TLK1: variants seen among roughly 807,000 people sequenced by gnomAD.
The protein encoded by TLK1 is serine/threonine-protein kinase tousled-like 1.
A neutral mutation model predicts 105.3 loss-of-function variants in TLK1; 24 were observed. The ratio of observed to expected loss-of-function variants is 0.23; its 90% CI spans 0.17 to 0.32. TLK1 has a LOEUF of 0.32. Among genes scored for constraint, TLK1 ranks in the 10% least tolerant of loss-of-function variants. The pLI is 1.00. For missense variants in TLK1, 558 were observed against 910.5 expected, an observed-to-expected ratio of 0.61 and a Z score of 4.98; for synonymous variants, 321 against 310.4, an observed-to-expected ratio of 1.03 and a Z score of -0.36.
At chr2:170,998,190 C>T (rs559884054) in intron 18 of TLK1, among the ~76,000 whole-genome samples, 1 of 151,922 alleles carries the variant, frequency 6.6e-6, no homozygotes, top group Non-Finnish European at 1.5e-5. Flanking sequence ...TAGAAGAAAC[C>T]CTCTCCCATC....
intron 11 of TLK1, among the ~76,000 whole-genome samples, chr2:171,036,576 T>C (rs1450837217): frequency 6.6e-6 from 1 of 152,250 alleles, no homozygotes; most frequent in Non-Finnish European, 1.5e-5. Context: ...TTTGAAATTC[T>C]GCAGGAATTT....
At chr2:171,099,804 G>A (rs146175855) in intron 2 of TLK1, among the ~76,000 whole-genome samples, 7 of 152,132 alleles carry the variant, frequency 4.6e-5, no homozygotes, top group Non-Finnish European at 1.0e-4. Context: ...ATAGTCCAAC[G>A]CGAAAAAATT....
At chr2:171,152,246 C>CA (rs2105599050) in intron 1 of TLK1, among the ~76,000 whole-genome samples, 2 of 152,310 alleles carry the variant, frequency 1.3e-5, no homozygotes, top group East Asian at 3.9e-4. Flanking sequence ...GTCATCCCCC[C>CA]AAAATACTTA....
chr2:171,104,437 C>T (rs1689829592), intron 2 of TLK1, among the ~76,000 whole-genome samples: 1 of 151,898 alleles, frequency 6.6e-6, no homozygotes, highest in Admixed American at 6.6e-5. Context: ...AAAGACACCC[C>T]ACGTTCATGA....
chr2:171,032,084 A>C (rs1002725523), intron 11 of TLK1, among the ~76,000 whole-genome samples: 1 of 143,438 alleles, frequency 7.0e-6, no homozygotes, highest in Non-Finnish European at 1.6e-5. Context: ...AGAAAAGAAA[A>C]GAACAACAAC....
chr2:171,095,044 T>C (rs1000830865), intron 2 of TLK1, among the ~76,000 whole-genome samples: 1 of 152,032 alleles, frequency 6.6e-6, no homozygotes, highest in African/African-American at 2.4e-5. Context: ...GGTCAAAGGA[T>C]AAATCTCAAA....
intron 8 of TLK1, among the ~76,000 whole-genome samples, chr2:171,050,450 CT>C (rs998235705): frequency 2.6e-5 from 4 of 152,064 alleles, no homozygotes; most frequent in African/African-American, 9.7e-5. Flanking sequence ...GTTATAAGAA[CT>C]TTAGTTCAGC....
intron 1 of TLK1, among the ~76,000 whole-genome samples, chr2:171,146,240 C>T (rs899020714): frequency 1.3e-5 from 2 of 152,056 alleles, no homozygotes; most frequent in Admixed American, 1.3e-4. Flanking sequence ...GGGAAGATCA[C>T]TTGAGCCCAG....
chr2:171,109,926 A>T (rs1427920108), intron 2 of TLK1, among the ~76,000 whole-genome samples: 1 of 152,232 alleles, frequency 6.6e-6, no homozygotes, highest in African/African-American at 2.4e-5. Context: ...ATCCAAGTAC[A>T]GGCAGAACTA....
chr2:171,037,198 T>C lies in TLK1; in HGVS notation c.1170-8793A>G, dbSNP rs190703145. 4.2e-3 allele frequency among the ~76,000 whole-genome samples: 632 copies of C among 151,882 alleles called. 4 individuals are homozygous for C. Among genetic ancestry groups the C allele is most frequent in the African/African-American group, 0.014 (587 of 41,450 alleles). ...GGCTCACGCTTGTAATCCAAGCACTTTGGGAGGCTGAGGTGGGCAGATCAC... is the reference window on the plus strand; with the variant it reads ...GGCTCACGCTTGTAATCCAAGCACTCTGGGAGGCTGAGGTGGGCAGATCAC... On this transcript the variant is annotated intron_variant, in intron 11 of 20. Transcript: ENST00000431350.
At chr2:171,164,351 G>A (rs1558977762), upstream of TLK1, among the ~76,000 whole-genome samples, 1 of 152,126 alleles carries the variant, frequency 6.6e-6, no homozygotes, top group Non-Finnish European at 1.5e-5. Flanking sequence ...TATAGTAAGT[G>A]AAAAAATGGA....
intron 19 of TLK1, among the ~76,000 whole-genome samples, chr2:170,997,027 CAT>C (rs1684098633): frequency 1.3e-5 from 2 of 152,154 alleles, no homozygotes; most frequent in Admixed American, 1.3e-4. Context: ...AAGATAAAAA[CAT>C]AAATTTAAAA....
chr2:171,187,080 AAAAGAAAAAG>A (rs1693043253), intron 1 of TLK1, among the ~76,000 whole-genome samples: 1 of 127,996 alleles, frequency 7.8e-6, no homozygotes, highest in African/African-American at 3.5e-5. Flanking sequence ...AAAAAAAAAA[AAAAGAAAAAG>A]AAAAAGAAAA....
At chr2:171,019,245 C>A (rs189214401) in intron 12 of TLK1, among the ~76,000 whole-genome samples, 1 of 152,200 alleles carries the variant, frequency 6.6e-6, no homozygotes, top group Non-Finnish European at 1.5e-5. Flanking sequence ...CATAATATTC[C>A]TTTGGCTCAA....
chr2:171,056,373 T>A, intron 6 of TLK1, 98 bp downstream of exon 6: 1 of 861,408 alleles, frequency 1.2e-6, no homozygotes, highest in Non-Finnish European at 1.8e-6. Flanking sequence ...AACTTATTTA[T>A]ATAGAAGTTC....
At chr2:171,195,406 G>A (rs1026600792) in intron 1 of TLK1, among the ~76,000 whole-genome samples, 6 of 151,404 alleles carry the variant, frequency 4.0e-5, no homozygotes, top group African/African-American at 1.5e-4. Flanking sequence ...CGGAGGCTGA[G>A]GCAGGAGAAT....
At chr2:171,225,451 G>T (rs1693880973) in intron 1 of TLK1, among the ~76,000 whole-genome samples, 1 of 151,878 alleles carries the variant, frequency 6.6e-6, no homozygotes, top group Admixed American at 6.6e-5. Flanking sequence ...GACTATAAGG[G>T]GAAAAAAAAG....
intron 11 of TLK1, among the ~76,000 whole-genome samples, chr2:171,034,638 AAC>A (rs1686230667): frequency 6.6e-6 from 1 of 152,196 alleles, no homozygotes; most frequent in Admixed American, 6.5e-5. Context: ...GGGTTAAGGA[AAC>A]AGTTTTGAAA....
intron 2 of TLK1, among the ~76,000 whole-genome samples, chr2:171,106,654 C>T (rs1005888178): frequency 5.9e-5 from 9 of 152,170 alleles, no homozygotes; most frequent in African/African-American, 1.9e-4. Flanking sequence ...AGCACCGTTG[C>T]TACCAGCAAT....
Sources: gnomAD v4.1 joint callset for allele counts (sites outside exome capture counted in the v4.1 genomes callset) on GRCh38, gnomAD v4.1.1 for gene constraint, MANE v1.5 for transcripts, NCBI Gene and HGNC (gene_info 2026-07-23, HGNC 2026-07-21) for gene names.